Variants in NT5C2 observed in about 807,000 individuals in gnomAD.
The protein encoded by NT5C2 is 5'-nucleotidase, cytosolic II, also known as cytosolic purine 5'-nucleotidase.
Under a neutral mutation model 76.1 loss-of-function variants are expected in NT5C2, and 58 were observed. The ratio of observed to expected loss-of-function variants is 0.76; its 90% confidence interval spans 0.62 to 0.95. The LOEUF (loss-of-function observed/expected upper bound fraction) is 0.95, where lower values mean the gene tolerates loss of function less well. NT5C2 is among the 40% of genes least tolerant of loss of function. NT5C2 has a pLI of 0.00. For missense variants in NT5C2, 478 were observed against 690.3 expected (o/e 0.69, Z 3.45); for synonymous variants, 229 against 237.4 (o/e 0.96, Z 0.32).
intron 3 of NT5C2, among the ~76,000 whole-genome samples, chr10:103,167,877 A>G (rs6584540): frequency 0.41 from 62,239 of 151,824 alleles, 12,950 homozygotes; most frequent in East Asian, 0.56. Context: ...TGAGCCATCC[A>G]CCCGCCTGGG....
chr10:103,188,304 G>A (rs1372313403), intron 1 of NT5C2, among the ~76,000 whole-genome samples: 1 of 152,130 alleles, frequency 6.6e-6, no homozygotes, highest in African/African-American at 2.4e-5. Context: ...GTTGCAGTAA[G>A]CAGAGATCAC....
intron 1 of NT5C2, among the ~76,000 whole-genome samples, chr10:103,186,912 C>CAAAA (rs34351688): frequency 1.1e-5 from 1 of 88,388 alleles, no homozygotes; most frequent in Non-Finnish European, 2.3e-5. Flanking sequence ...GACTCCGTCT[C>CAAAA]AAAAAAAAAA....
intron 4 of NT5C2, among the ~76,000 whole-genome samples, chr10:103,117,031 G>A (rs2074514051): frequency 1.3e-5 from 2 of 151,540 alleles, no homozygotes; most frequent in Admixed American, 6.6e-5. Flanking sequence ...TAATATATTG[G>A]GCCAAAGAAA....
At chr10:103,143,314 A>G (rs2080873343) in intron 3 of NT5C2, among the ~76,000 whole-genome samples, 1 of 152,210 alleles carries the variant, frequency 6.6e-6, no homozygotes, top group Non-Finnish European at 1.5e-5. Flanking sequence ...TCTCCAAAGA[A>G]GAGTAACTGC....
intron 3 of NT5C2, among the ~76,000 whole-genome samples, chr10:103,173,515 G>T (rs1256996475): frequency 1.3e-5 from 2 of 151,318 alleles, no homozygotes; most frequent in Non-Finnish European, 2.9e-5. Context: ...TACTTGGGAG[G>T]CTGAGGCAGG....
chr10:103,092,674 A>G (rs2067216536), intron 15 of NT5C2, among the ~76,000 whole-genome samples: 1 of 152,244 alleles, frequency 6.6e-6, no homozygotes, highest in Non-Finnish European at 1.5e-5. Flanking sequence ...AGCTTAGTTC[A>G]AGAATACAAT....
intron 4 of NT5C2, among the ~76,000 whole-genome samples, chr10:103,135,376 C>T (rs1328073157): frequency 6.6e-6 from 1 of 152,192 alleles, no homozygotes; most frequent in African/African-American, 2.4e-5. Context: ...AGGGGAATTT[C>T]CCTGCACAAT....
chr10:103,190,075 A>C (rs1193667835), intron 1 of NT5C2, among the ~76,000 whole-genome samples: 1 of 137,210 alleles, frequency 7.3e-6, no homozygotes, highest in Non-Finnish European at 1.5e-5. Flanking sequence ...ATCTCAGCTC[A>C]CTGCAACCTC....
At position 103,089,854 on chromosome 10, in the gene NT5C2, A is replaced by AC; in HGVS notation, c.1503dup (p.Ser502ValfsTer17). 6.2e-7 allele frequency: 1 copy of AC among 1,613,446 alleles called. No individual in the cohort carries two copies. The highest frequency in any genetic ancestry group is 8.5e-7 in the Non-Finnish European group (1 of 1,179,848). On this transcript the variant is annotated frameshift_variant, in exon 19 of 19. Coordinates refer to ENST00000404739, the MANE Select transcript of NT5C2 (RefSeq NM_001351169.2). LOFTEE classifies it high-confidence loss of function. The stretch of plus-strand genomic sequence containing the variant: ...GTGCGGTTCCGGGTGGCAAGAGGAG[A>AC]CTCCATCTCATTGATATCTACGTGT...
At chr10:103,171,263 C>A in intron 3 of NT5C2, among the ~76,000 whole-genome samples, 1 of 152,258 alleles carries the variant, frequency 6.6e-6, no homozygotes, top group Middle Eastern at 3.4e-3. Flanking sequence ...TACTCAATAA[C>A]AAGTAACTAT....
chr10:103,129,480 G>A (rs1281213703), intron 4 of NT5C2, among the ~76,000 whole-genome samples: 7 of 117,212 alleles, frequency 6.0e-5, no homozygotes, highest in Admixed American at 1.6e-4. Context: ...GAGATGGGGG[G>A]GTCAGCCCCC....
intron 2 of NT5C2, among the ~76,000 whole-genome samples, chr10:103,177,444 T>G (rs2090199420): frequency 6.6e-6 from 1 of 152,236 alleles, no homozygotes; most frequent in Non-Finnish European, 1.5e-5. Flanking sequence ...GCATTATTTG[T>G]GAAAACATCT....
At chr10:103,191,677 TGAAAG>T (rs1468343361) in intron 1 of NT5C2, among the ~76,000 whole-genome samples, 1 of 151,984 alleles carries the variant, frequency 6.6e-6, no homozygotes, top group East Asian at 1.9e-4. Context: ...ACCTTTGAAC[TGAAAG>T]GAATCTTGCA....
chr10:103,121,716 G>C (rs951175444), intron 4 of NT5C2, among the ~76,000 whole-genome samples: 3 of 152,112 alleles, frequency 2.0e-5, no homozygotes, highest in Non-Finnish European at 4.4e-5. Flanking sequence ...TCCCACACTT[G>C]AGGTTTGTTA....
At chr10:103,159,253 A>ACG (rs745803551) in intron 3 of NT5C2, among the ~76,000 whole-genome samples, 13 of 59,740 alleles carry the variant, frequency 2.2e-4, no homozygotes, top group African/African-American at 6.7e-4. Flanking sequence ...CAAAACATGC[A>ACG]CACACACACA....
chr10:103,092,132 T>C (rs12217501), intron 15 of NT5C2, among the ~76,000 whole-genome samples: 13,405 of 152,268 alleles, frequency 0.088, 827 homozygotes, highest in East Asian at 0.28. Flanking sequence ...AGCCAGCATC[T>C]ACAGCATGCT....
chr10:103,115,922 A>C (rs2074238000), intron 4 of NT5C2, among the ~76,000 whole-genome samples: 1 of 152,182 alleles, frequency 6.6e-6, no homozygotes. Flanking sequence ...TAATGCACTG[A>C]AGTATTATTT....
At chr10:103,177,465 AT>A (rs2090205355) in intron 2 of NT5C2, among the ~76,000 whole-genome samples, 1 of 152,176 alleles carries the variant, frequency 6.6e-6, no homozygotes. Flanking sequence ...GTAGCCTGTT[AT>A]TTCCCATCTT....
chr10:103,096,380 A>G (rs1258921515), intron 11 of NT5C2, among the ~76,000 whole-genome samples: 1 of 152,196 alleles, frequency 6.6e-6, no homozygotes, highest in Non-Finnish European at 1.5e-5. Context: ...ACTGTTTACT[A>G]CAAATCACCA....
Sources: allele counts gnomAD v4.1 joint callset (sites outside exome capture counted in the v4.1 genomes callset), GRCh38; gene constraint gnomAD v4.1.1; transcripts MANE v1.5; gene names NCBI Gene and HGNC (gene_info 2026-07-23, HGNC 2026-07-21).